RASAL2: variants seen among roughly 807,000 people sequenced by gnomAD.
RASAL2 encodes RAS protein activator like 2, also known as ras GTPase-activating protein nGAP.
In RASAL2, 58 loss-of-function variants were observed where a neutral mutation model predicts 128.9. That is an observed-to-expected ratio of 0.45 (90% confidence interval 0.36 to 0.56). The LOEUF (loss-of-function observed/expected upper bound fraction) is 0.56, where lower values mean the gene tolerates loss of function less well. Ranked by LOEUF, RASAL2 falls within the 20% of genes least tolerant of loss-of-function variation. RASAL2 has a pLI of 0.00. For missense variants in RASAL2, 1,360 were observed against 1,601.6 expected, an observed-to-expected ratio of 0.85 and a Z score of 2.57; for synonymous variants, 561 against 580.8, an observed-to-expected ratio of 0.97 and a Z score of 0.49.
chr1:178,442,621 G>GTT, intron 7 of RASAL2, 54 bp from the exon 8 acceptor site: 6 of 1,415,292 alleles, frequency 4.2e-6, no homozygotes, highest in South Asian at 1.4e-5. Context: ...AGAAAAAAAT[G>GTT]TTTTTTTTTC....
rs1337154926 is a variant in RASAL2 at position 178,475,843 on chromosome 1, A to C, written c.*2604A>C. On this transcript the variant is annotated 3_prime_UTR_variant, in exon 18 of 18. Transcript: ENST00000367649. ...AAAATAATAATAATAGAGCATTACC[A>C]ATAAGCTAAAAGTTCAGAGTTGCTG... 6.6e-6 allele frequency: 1 copy of C among 152,236 alleles called. No homozygotes were observed. Among genetic ancestry groups the C allele is most frequent in the African/African-American group, 2.4e-5 (1 of 41,458 alleles). The allele number at this position is 152,236 out of a possible 1,614,324, so 9.4% of individuals were successfully genotyped here.
At chr1:178,282,218 A>G (rs1289370891) in intron 1 of RASAL2, among the ~76,000 whole-genome samples, 1 of 152,150 alleles carries the variant, frequency 6.6e-6, no homozygotes. Context: ...TGGTTCTTGG[A>G]CCTTGAATTA....
At chr1:178,211,392 A>C (rs1479663703) in intron 1 of RASAL2, among the ~76,000 whole-genome samples, 3 of 152,146 alleles carry the variant, frequency 2.0e-5, no homozygotes. Flanking sequence ...CTTTCTTAAA[A>C]AAGCACAAAC....
intron 5 of RASAL2, among the ~76,000 whole-genome samples, chr1:178,430,813 T>G (rs530017545): frequency 9.9e-5 from 15 of 151,984 alleles, no homozygotes; most frequent in Middle Eastern, 3.4e-3. Context: ...TCAGTTTGAG[T>G]GTTTTTTTCC....
At position 178,094,270 on chromosome 1, in the gene RASAL2, C is replaced by T. The variant is rs1001854443; in HGVS notation, c.-223C>T. On this transcript the variant is annotated 5_prime_UTR_variant, in exon 1 of 18. Coordinates refer to ENST00000367649, the MANE Select transcript of RASAL2 (RefSeq NM_170692.4). ...TTGGTCGGGGCCACGCTGGATCCTC[C>T]TCCCGGCCTGGGTCCCGCCCGCCGA... 3 of 538,718 alleles carry T rather than the reference C, an allele frequency of 5.6e-6. No individual in the cohort carries two copies. The highest frequency in any genetic ancestry group is 3.9e-5 in the Admixed American group (1 of 25,584). 33.4% of individuals were successfully genotyped at this position (538,718 alleles called of 1,614,324 possible). A position where few individuals can be genotyped will look rare whatever the true frequency, so the allele number is the denominator to read the frequency against.
chr1:178,414,332 C>T (rs1177062413), intron 4 of RASAL2, among the ~76,000 whole-genome samples: 3 of 152,070 alleles, frequency 2.0e-5, no homozygotes, highest in African/African-American at 7.2e-5. Context: ...ATAGGCAGAG[C>T]ACAGAGGATT....
chr1:178,297,029 C>G (rs1375664188), intron 2 of RASAL2, among the ~76,000 whole-genome samples: 1 of 150,492 alleles, frequency 6.6e-6, no homozygotes, highest in Non-Finnish European at 1.5e-5. Context: ...TACAGGGCCA[C>G]AAGGGCAGAG....
At chr1:178,250,919 A>G (rs746821847) in intron 1 of RASAL2, among the ~76,000 whole-genome samples, 1 of 152,190 alleles carries the variant, frequency 6.6e-6, no homozygotes, top group Non-Finnish European at 1.5e-5. Flanking sequence ...TGAGGCTTAC[A>G]TGAGGATGTA....
chr1:178,439,673 T>A, intron 6 of RASAL2, 98 bp downstream of exon 6: 9 of 1,076,488 alleles, frequency 8.4e-6, no homozygotes, highest in Non-Finnish European at 1.1e-5. Context: ...GTTGATGATT[T>A]AATTAACTGG....
At chr1:178,260,029 C>A (rs1665592387) in intron 1 of RASAL2, among the ~76,000 whole-genome samples, 1 of 151,854 alleles carries the variant, frequency 6.6e-6, no homozygotes, top group Admixed American at 6.6e-5. Context: ...GTTTGTTTTG[C>A]CTTCGTCACA....
chr1:178,454,710 A>G, intron 12 of RASAL2, 62 bp downstream of exon 12: 2 of 1,428,862 alleles, frequency 1.4e-6, no homozygotes, highest in South Asian at 2.3e-5. Flanking sequence ...AAGTAACTAT[A>G]GAGTGATAGC....
In RASAL2 at chr1:178,152,345, CTGTT is replaced by C. The variant is rs541895130; in HGVS notation, c.202+57652_202+57655del. 1.5e-3 allele frequency among the ~76,000 whole-genome samples: 235 copies of C among 152,322 alleles called. 1 individual carries two copies. The highest frequency in any genetic ancestry group is 5.4e-3 in the African/African-American group (225 of 41,564). ...TGCCCTACGCATCTCTTTCATTTGA[CTGTT>C]CTTGGGTTGTATCTCTTATAATAAA... On this transcript the variant is annotated intron_variant, in intron 1 of 17. Coordinates refer to ENST00000367649, the MANE Select transcript of RASAL2 (RefSeq NM_170692.4).
intron 17 of RASAL2, among the ~76,000 whole-genome samples, chr1:178,472,692 C>T (rs1648384381): frequency 6.6e-6 from 1 of 152,204 alleles, no homozygotes; most frequent in African/African-American, 2.4e-5. Context: ...TCTGGTGCTT[C>T]TTTCTTTGCC....
intron 2 of RASAL2, among the ~76,000 whole-genome samples, chr1:178,286,952 C>G (rs112189251): frequency 6.6e-6 from 1 of 152,126 alleles, no homozygotes; most frequent in African/African-American, 2.4e-5. Flanking sequence ...CTAATACCTT[C>G]TATCTTTCTA....
At chr1:178,229,239 A>G (rs1017495792) in intron 1 of RASAL2, among the ~76,000 whole-genome samples, 2 of 152,206 alleles carry the variant, frequency 1.3e-5, no homozygotes, top group Non-Finnish European at 2.9e-5. Flanking sequence ...TATTAAAATG[A>G]AAATTTTAAT....
intron 1 of RASAL2, among the ~76,000 whole-genome samples, chr1:178,201,124 G>T (rs759406660): frequency 1.3e-5 from 2 of 152,198 alleles, no homozygotes; most frequent in Non-Finnish European, 2.9e-5. Flanking sequence ...GAAATCTGGA[G>T]AACAGGCATG....
At chr1:178,179,770 G>C (rs1036467283) in intron 1 of RASAL2, among the ~76,000 whole-genome samples, 34 of 152,150 alleles carry the variant, frequency 2.2e-4, no homozygotes, top group African/African-American at 8.0e-4. Flanking sequence ...TGCAACTGAT[G>C]ATCTATTCTT....
At chr1:178,343,419 A>G (rs936334145) in intron 3 of RASAL2, among the ~76,000 whole-genome samples, 1 of 152,192 alleles carries the variant, frequency 6.6e-6, no homozygotes, top group African/African-American at 2.4e-5. Flanking sequence ...GCTCTATCCA[A>G]CTTAACAGTA....
intron 1 of RASAL2, among the ~76,000 whole-genome samples, chr1:178,277,229 T>A (rs1316487672): frequency 2.0e-5 from 3 of 150,886 alleles, no homozygotes; most frequent in African/African-American, 7.3e-5. Flanking sequence ...CTGTTAAAAC[T>A]GTTGTGAACA....
Sources: allele counts gnomAD v4.1 joint callset (sites outside exome capture counted in the v4.1 genomes callset), GRCh38; gene constraint gnomAD v4.1.1; transcripts MANE v1.5; gene names NCBI Gene and HGNC (gene_info 2026-07-23, HGNC 2026-07-21).